Variants in DLG2 observed in about 807,000 individuals in gnomAD.
DLG2 encodes disks large homolog 2.
In DLG2, 45 loss-of-function variants were observed where a neutral mutation model predicts 132.5. The ratio of observed to expected loss-of-function variants is 0.34; its 90% CI spans 0.27 to 0.44. The LOEUF (loss-of-function observed/expected upper bound fraction) is 0.44. Ranked by LOEUF, DLG2 falls within the 20% of genes least tolerant of loss-of-function variation. The probability of loss-of-function intolerance (pLI) is 1.00; values close to 1 mark genes in which losing one functional copy is unlikely to be tolerated. For synonymous variants in DLG2, 424 were observed against 419.6 expected (o/e 1.01, Z -0.13); for missense variants, 1,045 against 1,196.9 (o/e 0.87, Z 1.87).
At chr11:84,885,005 T>C (rs565656971) in intron 6 of DLG2, among the ~76,000 whole-genome samples, 1 of 152,128 alleles carries the variant, frequency 6.6e-6, no homozygotes, top group South Asian at 2.1e-4. Context: ...ACCAACAACA[T>C]CATCATGGCT....
chr11:84,526,352 C>T (rs1366050690), intron 7 of DLG2, among the ~76,000 whole-genome samples: 2 of 152,096 alleles, frequency 1.3e-5, no homozygotes, highest in East Asian at 1.9e-4. Flanking sequence ...TTTTAGATTC[C>T]AATAAGGGAG....
chr11:83,615,551 A>G (rs1391368930), intron 19 of DLG2, among the ~76,000 whole-genome samples: 2 of 152,230 alleles, frequency 1.3e-5, no homozygotes, highest in African/African-American at 4.8e-5. Context: ...AGATGTGATT[A>G]AGGTTAAGAA....
chr11:84,634,588 A>G (rs2099637429), intron 6 of DLG2, among the ~76,000 whole-genome samples: 1 of 152,218 alleles, frequency 6.6e-6, no homozygotes, highest in Non-Finnish European at 1.5e-5. Flanking sequence ...TTCTGTCCAT[A>G]AATCTCTAAC....
intron 6 of DLG2, among the ~76,000 whole-genome samples, chr11:84,601,250 C>G (rs1330606561): frequency 6.6e-6 from 1 of 152,058 alleles, no homozygotes; most frequent in Non-Finnish European, 1.5e-5. Context: ...CACACACGCA[C>G]TCATGCACAT....
At chr11:83,484,761 TG>T (rs143569491) in intron 21 of DLG2, among the ~76,000 whole-genome samples, 28,894 of 152,116 alleles carry the variant, frequency 0.19, 2,924 homozygotes, top group Middle Eastern at 0.21. Flanking sequence ...TAAAATAATT[TG>T]AATTTGAGTT....
intron 3 of DLG2, among the ~76,000 whole-genome samples, chr11:85,536,824 TCG>T (rs2075617684): frequency 6.6e-6 from 1 of 152,212 alleles, no homozygotes; most frequent in African/African-American, 2.4e-5. Flanking sequence ...CATCTCTTTC[TCG>T]CTTCCCCTCT....
chr11:83,952,674 A>G (rs2085762500), intron 14 of DLG2, among the ~76,000 whole-genome samples: 1 of 139,108 alleles, frequency 7.2e-6, no homozygotes, highest in Non-Finnish European at 1.6e-5. Flanking sequence ...TCAAGATATA[A>G]TGCTAAAGCA....
intron 6 of DLG2, among the ~76,000 whole-genome samples, chr11:85,058,090 G>T (rs1038143902): frequency 6.6e-6 from 1 of 151,250 alleles, no homozygotes; most frequent in Non-Finnish European, 1.5e-5. Context: ...AAAAAAATTA[G>T]AAGAGACCAA....
At chr11:83,900,765 A>G (rs2073184169) in intron 15 of DLG2, among the ~76,000 whole-genome samples, 1 of 152,146 alleles carries the variant, frequency 6.6e-6, no homozygotes, top group Non-Finnish European at 1.5e-5. Flanking sequence ...AGTGTGGGGT[A>G]GGAGCTCCCA....
chr11:83,587,040 A>C (rs998527015), intron 19 of DLG2, among the ~76,000 whole-genome samples: 1 of 152,242 alleles, frequency 6.6e-6, no homozygotes, highest in Non-Finnish European at 1.5e-5. Context: ...GCTATGAATA[A>C]GTTATACCTG....
rs183547027 is a variant in DLG2, at chr11:85,432,828, A to G, written c.41-147463T>C. The stretch of plus-strand genomic sequence containing the variant: ...AGGAAATACAGAGAAACTGACTAAG[A>G]TACTCCACGAGAAGAACAACCCCAA... On this transcript the variant is annotated intron_variant, in intron 3 of 27. Transcript: ENST00000376104. Among the ~76,000 whole-genome samples the G allele has an allele frequency of 1.6e-4, 24 of 152,264 alleles. 1 individual carries two copies. In the East Asian group the frequency reaches 4.4e-3, roughly 28 times the overall value.
intron 3 of DLG2, among the ~76,000 whole-genome samples, chr11:85,468,349 G>T (rs1280359788): frequency 6.6e-6 from 1 of 152,034 alleles, no homozygotes; most frequent in African/African-American, 2.4e-5. Context: ...CTTGCCTTCT[G>T]CTAGCTTTTG....
chr11:84,820,592 G>A (rs774941866), intron 6 of DLG2, among the ~76,000 whole-genome samples: 2 of 151,794 alleles, frequency 1.3e-5, no homozygotes, highest in Non-Finnish European at 2.9e-5. Context: ...CAGCCATATA[G>A]TCTTCCTTGA....
intron 4 of DLG2, among the ~76,000 whole-genome samples, chr11:85,268,570 A>T (rs569689306): frequency 1.3e-5 from 2 of 152,236 alleles, no homozygotes; most frequent in African/African-American, 4.8e-5. Context: ...AAATTTCTAA[A>T]TTAAGCGAGA....
intron 6 of DLG2, among the ~76,000 whole-genome samples, chr11:84,888,291 A>G (rs959601902): frequency 6.6e-6 from 1 of 152,088 alleles, no homozygotes; most frequent in African/African-American, 2.4e-5. Flanking sequence ...GTATTATCCA[A>G]TCGATTCAGG....
chr11:84,900,828 C>T lies in DLG2; in HGVS notation c.357+210833G>A, dbSNP rs115035303. Among the ~76,000 whole-genome samples the T allele has an allele frequency of 9.6e-3, 1,452 of 152,008 alleles. 24 individuals are homozygous for T. The highest frequency in any genetic ancestry group is 0.03 in the African/African-American group (1,230 of 41,500). ...CCAAGCTTCTGATCTACATAGGTTA[C>T]GTAAGGTTTTAAATAATACATTATT... is the stretch of plus-strand genomic sequence containing the variant. On this transcript the variant is annotated intron_variant, in intron 6 of 27. Coordinates refer to ENST00000376104, the MANE Select transcript of DLG2 (RefSeq NM_001142699.3).
At chr11:83,679,775 G>C (rs1402957288) in intron 18 of DLG2, among the ~76,000 whole-genome samples, 2 of 152,076 alleles carry the variant, frequency 1.3e-5, no homozygotes, top group Non-Finnish European at 2.9e-5. Flanking sequence ...TCATCAATTT[G>C]GTTTAATTCT....
chr11:85,518,456 A>C (rs896571825), intron 3 of DLG2, among the ~76,000 whole-genome samples: 2 of 152,148 alleles, frequency 1.3e-5, no homozygotes, highest in Non-Finnish European at 2.9e-5. Flanking sequence ...CTTTCAACTT[A>C]AGAGAGATGA....
chr11:83,899,321 T>C (rs1483275551), intron 15 of DLG2, among the ~76,000 whole-genome samples: 1 of 152,220 alleles, frequency 6.6e-6, no homozygotes, highest in East Asian at 1.9e-4. Flanking sequence ...GTCTTCTTGA[T>C]CTCACAGGCC....
Sources: allele counts gnomAD v4.1 joint callset (sites outside exome capture counted in the v4.1 genomes callset), GRCh38; gene constraint gnomAD v4.1.1; transcripts MANE v1.5; gene names NCBI Gene and HGNC (gene_info 2026-07-23, HGNC 2026-07-21).